Variants in RSBN1 observed in about 807,000 individuals in gnomAD.
RSBN1 encodes lysine-specific demethylase 9.
Under a neutral mutation model 74.8 loss-of-function variants are expected in RSBN1, and 23 were observed. That is an observed-to-expected ratio of 0.31 (90% CI 0.22 to 0.44). The LOEUF (loss-of-function observed/expected upper bound fraction) is 0.44. Ranked by LOEUF, RSBN1 falls within the 20% of genes least tolerant of loss-of-function variation. RSBN1 has a pLI of 1.00. For synonymous variants in RSBN1, 407 were observed against 379.6 expected (o/e 1.07, Z -0.84); for missense variants, 808 against 1,020.9 (o/e 0.79, Z 2.84).
rs760523684 is a variant in RSBN1 at position 113,762,077 on chromosome 1, C to T, written c.*3903G>A. On this transcript the variant is annotated 3_prime_UTR_variant, in exon 7 of 7. Transcript: ENST00000261441. ...CTAAGGCCACACAACGCAAATAGTC[C>T]GCCAGGCAAATATACATTTCATCTA... is the stretch of plus-strand genomic sequence containing the variant. The T allele has an allele frequency of 2.6e-5, 4 of 152,536 alleles. No individual in the cohort carries two copies. Among genetic ancestry groups the T allele is most frequent in the African/African-American group, 9.7e-5 (4 of 41,364 alleles). The allele number at this position is 152,536 out of a possible 1,614,324, so 9.4% of individuals were successfully genotyped here.
intron 4 of RSBN1, among the ~76,000 whole-genome samples, chr1:113,774,617 C>A (rs1659980735): frequency 2.0e-5 from 3 of 152,036 alleles, no homozygotes; most frequent in Admixed American, 1.3e-4. Flanking sequence ...GAGGGGCTTG[C>A]AGTGAGCCGA....
intron 1 of RSBN1, among the ~76,000 whole-genome samples, chr1:113,799,197 A>G (rs1660531048): frequency 6.6e-6 from 1 of 152,156 alleles, no homozygotes; most frequent in South Asian, 2.1e-4. Context: ...TAGGACATAC[A>G]CAATCCCCAA....
intron 2 of RSBN1, among the ~76,000 whole-genome samples, chr1:113,789,163 C>A (rs567401795): frequency 6.6e-6 from 1 of 152,100 alleles, no homozygotes; most frequent in Non-Finnish European, 1.5e-5. Flanking sequence ...GTCAGCCCTA[C>A]CCCCAACCTC....
At chr1:113,767,249 A>G (rs372795986) in intron 5 of RSBN1, 42 bp from the exon 6 acceptor site, 1 of 1,127,432 alleles carries the variant, frequency 8.9e-7, no homozygotes, top group East Asian at 2.5e-5. Flanking sequence ...AACATCTCAC[A>G]ATGAAAAATG....
chr1:113,790,635 C>T (rs1660346149), intron 2 of RSBN1, among the ~76,000 whole-genome samples: 1 of 152,144 alleles, frequency 6.6e-6, no homozygotes, highest in African/African-American at 2.4e-5. Context: ...GAGACAAAGT[C>T]CCCAGTGATG....
chr1:113,777,891 A>G, intron 2 of RSBN1, 83 bp from the exon 3 acceptor site: 4 of 1,276,544 alleles, frequency 3.1e-6, no homozygotes, highest in Non-Finnish European at 3.1e-6. Flanking sequence ...ATTGTTTCCA[A>G]CGTTGCCATT....
At position 113,797,619 on chromosome 1, in the gene RSBN1, T is replaced by C; in HGVS notation, c.1121A>G (p.His374Arg). Residue 374 changes from histidine (H) to arginine (R), a missense_variant, in exon 2 of 7, where the codon CAT becomes CGT. Physicochemically the swap from His to Arg is conservative, Grantham distance 29. This residue lies in a region of RSBN1 where 85 missense variants were observed against 126.2 expected (regional missense o/e 0.67). Transcript: ENST00000261441. ...HQSNGGALVL[H>R]AYMDELSFLS... Reference sequence around the variant, plus strand: ...AAATGAGAGTTCATCCATGTAAGCATGAAGGACAAGAGCACCACCATTGGA... The same window carrying C: ...AAATGAGAGTTCATCCATGTAAGCACGAAGGACAAGAGCACCACCATTGGA... The C allele has an allele frequency of 1.2e-6, 2 of 1,613,962 alleles. No individual in the cohort carries two copies. Among genetic ancestry groups the C allele is most frequent in the Non-Finnish European group, 1.7e-6 (2 of 1,179,952 alleles).
Position 113,812,403 on chromosome 1 carries a change from A to AGAT in RSBN1, c.7_9dup (p.Ile3dup). On this transcript the variant is annotated inframe_insertion, in exon 1 of 7. Transcript: ENST00000261441. ...CACTTGTCGGCCGTTCTTCGTCCAG[A>AGAT]GATGAACATGCCGGAAGCGGCCGTT... 1 of 1,597,988 alleles carries AGAT rather than the reference A, an allele frequency of 6.3e-7. No homozygotes were observed. Among genetic ancestry groups the AGAT allele is most frequent in the Non-Finnish European group, 8.5e-7 (1 of 1,177,822 alleles).
At chr1:113,809,188 T>C (rs563931696) in intron 1 of RSBN1, among the ~76,000 whole-genome samples, 1 of 152,274 alleles carries the variant, frequency 6.6e-6, no homozygotes, top group East Asian at 1.9e-4. Context: ...AATAAAATAA[T>C]AAAGGCCGGT....
Position 113,766,041 on chromosome 1 carries a change from T to C in RSBN1, c.2348A>G (p.Glu783Gly). 6.2e-7 allele frequency: 1 copy of C among 1,614,100 alleles called. No homozygotes were observed. Among genetic ancestry groups the C allele is most frequent in the South Asian group, 1.1e-5 (1 of 91,084 alleles). ...KTQPIPVLKV[E>G]SRLDSDQQHN... ...TTGCTGGTCAGAGTCCAGTCTACTT[T>C]CCACTTTTAAAACTGGAATAGGCTG... The change falls in exon 7 of 7, where the codon GAA becomes GGA. Residue 783 changes from glutamate to glycine, a missense_variant. Physicochemically the swap from Glu to Gly is moderately conservative, Grantham distance 98 (BLOSUM62 -2). Around this residue, in one of 6 missense-constraint regions of RSBN1, gnomAD observed 91 missense variants for 99.6 expected, o/e 0.91. Coordinates refer to ENST00000261441, the MANE Select transcript of RSBN1 (RefSeq NM_018364.5).
chr1:113,805,545 G>C lies in RSBN1; in HGVS notation c.703+6165C>G, dbSNP rs993651020. Among the ~76,000 whole-genome samples the C allele has an allele frequency of 2.0e-5, 3 of 152,188 alleles. No individual in the cohort carries two copies. The South Asian group carries it at 6.2e-4, about 32-fold the overall frequency. On this transcript the variant is annotated intron_variant, in intron 1 of 6. Transcript: ENST00000261441. ...AACCCCAGTGTGCATAGCAGAAAGAGAGGTCAACTGGGCCATGAGGGAAAA... is the reference window on the plus strand; with the variant it reads ...AACCCCAGTGTGCATAGCAGAAAGACAGGTCAACTGGGCCATGAGGGAAAA...
intron 1 of RSBN1, among the ~76,000 whole-genome samples, chr1:113,805,183 C>T (rs928570707): frequency 2.0e-5 from 3 of 151,852 alleles, no homozygotes; most frequent in Non-Finnish European, 2.9e-5. Flanking sequence ...GTGGCGCAAT[C>T]TCAGCTCAGT....
intron 2 of RSBN1, among the ~76,000 whole-genome samples, chr1:113,786,450 GT>G (rs1213816490): frequency 6.6e-6 from 1 of 152,164 alleles, no homozygotes; most frequent in Non-Finnish European, 1.5e-5. Flanking sequence ...GATTATCCAG[GT>G]GGGCTTAAAT....
chr1:113,812,465 C>T lies in RSBN1; in HGVS notation c.-53G>A. ...TCCGCAGGCCTCTCCAACCGAGCTT[C>T]TATTGTAAAGCACCCTATGCCGCGC... On this transcript the variant is annotated 5_prime_UTR_variant, in exon 1 of 7. Coordinates refer to ENST00000261441, the MANE Select transcript of RSBN1 (RefSeq NM_018364.5). The T allele has an allele frequency of 1.3e-6, 2 of 1,510,810 alleles. No individual in the cohort carries two copies. The highest frequency in any genetic ancestry group is 1.8e-6 in the Non-Finnish European group (2 of 1,134,976). The allele number at this position is 1,510,810 out of a possible 1,614,324, so 93.6% of individuals were successfully genotyped here.
intron 2 of RSBN1, among the ~76,000 whole-genome samples, chr1:113,790,428 T>C (rs1025452371): frequency 2.0e-5 from 3 of 152,140 alleles, no homozygotes; most frequent in Non-Finnish European, 2.9e-5. Flanking sequence ...GTAGACAAAT[T>C]AGCCTGACAA....
At chr1:113,774,928 A>G (rs990511808) in intron 4 of RSBN1, among the ~76,000 whole-genome samples, 6 of 152,180 alleles carry the variant, frequency 3.9e-5, no homozygotes, top group African/African-American at 7.2e-5. Flanking sequence ...AAAATTCCCA[A>G]GTTTTAAAGT....
intron 1 of RSBN1, among the ~76,000 whole-genome samples, chr1:113,802,079 C>G (rs796403412): frequency 3.3e-5 from 5 of 152,156 alleles, no homozygotes; most frequent in African/African-American, 1.2e-4. Context: ...CTCAGCCTCC[C>G]AAGTAGCTGG....
At chr1:113,775,343 C>CT (rs34622950) in intron 4 of RSBN1, among the ~76,000 whole-genome samples, 33 of 146,334 alleles carry the variant, frequency 2.3e-4, no homozygotes, top group African/African-American at 3.3e-4. Context: ...TTCTACTCTT[C>CT]TTTTTTTTTT....
At chr1:113,810,818 G>A (rs909335173) in intron 1 of RSBN1, among the ~76,000 whole-genome samples, 1 of 151,980 alleles carries the variant, frequency 6.6e-6, no homozygotes. Context: ...ACAAACATAC[G>A]GCATAATCAA....
Sources: allele counts gnomAD v4.1 joint callset (sites outside exome capture counted in the v4.1 genomes callset), GRCh38; gene constraint gnomAD v4.1.1; regional missense constraint gnomAD v4.1.1; transcripts MANE v1.5; gene names NCBI Gene and HGNC (gene_info 2026-07-23, HGNC 2026-07-21).